RBFOX2: variants seen among roughly 807,000 people sequenced by gnomAD.
RBFOX2 encodes the protein RNA binding fox-1 homolog 2.
A neutral mutation model predicts 49.1 loss-of-function variants in RBFOX2; 10 were observed. That is an observed-to-expected ratio of 0.20 (90% CI 0.13 to 0.35). The LOEUF (loss-of-function observed/expected upper bound fraction) is 0.35. Ranked by LOEUF, RBFOX2 falls within the 10% of genes least tolerant of loss-of-function variation. The probability of loss-of-function intolerance (pLI) is 1.00; values close to 1 mark genes in which losing one functional copy is unlikely to be tolerated. For synonymous variants in RBFOX2, 183 were observed against 187.4 expected (o/e 0.98, Z 0.19); for missense variants, 323 against 486.9 (o/e 0.66, Z 3.17).
intron 1 of RBFOX2, among the ~76,000 whole-genome samples, chr22:35,989,533 A>G (rs1231677552): frequency 6.6e-6 from 1 of 152,212 alleles, no homozygotes; most frequent in Non-Finnish European, 1.5e-5. Context: ...CTCAAAGGGC[A>G]CAGACAACTA....
At chr22:35,864,325 C>T (rs1455334487) in intron 1 of RBFOX2, among the ~76,000 whole-genome samples, 1 of 152,022 alleles carries the variant, frequency 6.6e-6, no homozygotes, top group Non-Finnish European at 1.5e-5. Flanking sequence ...GGTTTTTTCC[C>T]CATGACCTGA....
chr22:35,897,608 C>T (rs946899871), intron 1 of RBFOX2: 10 of 1,290,738 alleles, frequency 7.7e-6, no homozygotes, highest in South Asian at 2.4e-5. Context: ...TTTGGCCCAA[C>T]GAAAGCAAAG....
rs576421421 is a variant in RBFOX2, at chr22:35,960,411, T to C, written c.42+1152A>G. Among the ~76,000 whole-genome samples the C allele has an allele frequency of 1.2e-4, 18 of 151,862 alleles. 1 individual carries two copies. The South Asian group carries it at 3.5e-3, about 30-fold the overall frequency. ...CTTGAACCAACCCGATTTCAAAGAG[T>C]CTGTGCCCTCAGACACACCATCTAA... On this transcript the variant is annotated intron_variant, in intron 1 of 5. Transcript: ENST00000408983.
chr22:35,751,503 C>A (rs1255556727), intron 9 of RBFOX2, among the ~76,000 whole-genome samples: 1 of 152,142 alleles, frequency 6.6e-6, no homozygotes, highest in Non-Finnish European at 1.5e-5. Context: ...GGGTTTAATG[C>A]TGGGCCTCCA....
At chr22:35,901,227 A>T (rs1052344714) in intron 1 of RBFOX2, among the ~76,000 whole-genome samples, 1 of 152,240 alleles carries the variant, frequency 6.6e-6, no homozygotes, top group African/African-American at 2.4e-5. Flanking sequence ...AGACTCCAAG[A>T]TCATTTCCAC....
chr22:35,827,796 T>A (rs185761161), intron 1 of RBFOX2, among the ~76,000 whole-genome samples: 1 of 152,196 alleles, frequency 6.6e-6, no homozygotes, highest in South Asian at 2.1e-4. Flanking sequence ...TAAAAATATA[T>A]TCAATGCAAC....
upstream of RBFOX2, chr22:35,961,747 A>G: frequency 1.6e-6 from 2 of 1,219,948 alleles, no homozygotes; most frequent in African/African-American, 3.1e-5. Context: ...CGTTCTCCCC[A>G]CACCACCCGC....
chr22:36,028,231 C>G lies in RBFOX2; in HGVS notation c.186+9G>C. On this transcript the variant is annotated intron_variant, in intron 1 of 13. Transcript: ENST00000438146. ...CGCAATAACTGGGCGCCCCGTCCCG[C>G]GCGGTCACCTGCATCCCGCCGCCAC... 1 of 1,502,966 alleles carries G rather than the reference C, an allele frequency of 6.7e-7. No individual in the cohort carries two copies. Among genetic ancestry groups the G allele is most frequent in the East Asian group, 2.7e-5 (1 of 36,386 alleles). 93.1% of individuals were successfully genotyped at this position (1,502,966 alleles called of 1,614,324 possible). A position where few individuals can be genotyped will look rare whatever the true frequency, so the allele number is the denominator to read the frequency against.
chr22:35,857,456 G>C (rs148482513), intron 1 of RBFOX2, among the ~76,000 whole-genome samples: 1 of 152,184 alleles, frequency 6.6e-6, no homozygotes, highest in African/African-American at 2.4e-5. Context: ...TAAGAGAAAG[G>C]TTCTAATTCT....
rs115610160 is a variant in RBFOX2, at chr22:35,917,723, G to A, written c.-34+21124C>T. On this transcript the variant is annotated intron_variant, in intron 1 of 13. Coordinates refer to the RBFOX2 transcript ENST00000359369. ...GGGCTGGGTTCTGTAAGTCAGTGGC[G>A]TGCAAACTCACAAACCAGTGCTCTT... 2.6e-3 allele frequency among the ~76,000 whole-genome samples: 403 copies of A among 152,316 alleles called. 4 individuals are homozygous for A. The highest frequency in any genetic ancestry group is 9.5e-3 in the African/African-American group (393 of 41,566).
At chr22:35,840,346 A>T in exon 1 of RBFOX2, 1 of 1,561,266 alleles carries the variant, frequency 6.4e-7, no homozygotes, top group Non-Finnish European at 8.6e-7. Flanking sequence ...CTCTCTTTAT[A>T]CCGTTTTCCT....
chr22:35,922,668 T>C (rs2051160671), intron 1 of RBFOX2, among the ~76,000 whole-genome samples: 1 of 152,030 alleles, frequency 6.6e-6, no homozygotes. Flanking sequence ...CTAAGATAGC[T>C]TTTACATCTT....
At chr22:35,861,803 T>C (rs566546869) in intron 1 of RBFOX2, among the ~76,000 whole-genome samples, 1 of 152,178 alleles carries the variant, frequency 6.6e-6, no homozygotes, top group East Asian at 1.9e-4. Flanking sequence ...AAAAAGAACA[T>C]ATAAAGAATA....
intron 4 of RBFOX2, among the ~76,000 whole-genome samples, chr22:35,772,452 A>G (rs1369656355): frequency 6.6e-6 from 1 of 152,146 alleles, no homozygotes; most frequent in Non-Finnish European, 1.5e-5. Context: ...GATGCTTAAC[A>G]TTCTTTTTTT....
intron 1 of RBFOX2, among the ~76,000 whole-genome samples, chr22:35,855,726 A>T (rs541951055): frequency 2.6e-5 from 4 of 151,962 alleles, no homozygotes; most frequent in African/African-American, 9.7e-5. Flanking sequence ...ATTTTTCAAC[A>T]TAAGTTTTAA....
intron 4 of RBFOX2, among the ~76,000 whole-genome samples, chr22:35,771,429 A>C (rs1942648335): frequency 6.6e-6 from 1 of 152,226 alleles, no homozygotes; most frequent in Non-Finnish European, 1.5e-5. Flanking sequence ...ATGATCCCTT[A>C]GAGCCTCCTG....
intron 1 of RBFOX2, among the ~76,000 whole-genome samples, chr22:35,954,958 A>C (rs1287436492): frequency 1.3e-5 from 2 of 152,230 alleles, no homozygotes; most frequent in East Asian, 3.8e-4. Flanking sequence ...TTGGAGGATG[A>C]CCACAAATAG....
intron 1 of RBFOX2, among the ~76,000 whole-genome samples, chr22:35,862,898 T>G (rs2043255402): frequency 6.6e-6 from 1 of 152,234 alleles, no homozygotes; most frequent in South Asian, 2.1e-4. Flanking sequence ...TATTAAATTA[T>G]AGTTGATGTT....
intron 1 of RBFOX2, among the ~76,000 whole-genome samples, chr22:35,839,865 T>C (rs919456541): frequency 1.3e-5 from 2 of 152,162 alleles, no homozygotes; most frequent in African/African-American, 4.8e-5. Context: ...TCTTCCTACC[T>C]CTGCAGTCTT....
Sources: gnomAD v4.1 joint callset for allele counts (sites outside exome capture counted in the v4.1 genomes callset) on GRCh38, gnomAD v4.1.1 for gene constraint, MANE v1.5 for transcripts, NCBI Gene and HGNC (gene_info 2026-07-23, HGNC 2026-07-21) for gene names.